Variants in ANKFN1 observed in about 807,000 individuals in gnomAD.
ANKFN1 encodes ankyrin repeat and fibronectin type-III domain-containing protein 1.
In ANKFN1, 74 loss-of-function variants were observed where a neutral mutation model predicts 108.7. The observed-to-expected ratio is 0.68, with a 90% CI of 0.56 to 0.83. The LOEUF (loss-of-function observed/expected upper bound fraction) is 0.83. Among genes scored for constraint, ANKFN1 ranks in the 40% least tolerant of loss-of-function variants. ANKFN1 has a pLI of 0.00. For missense variants in ANKFN1, 1,505 were observed against 1,382.3 expected (o/e 1.09, Z -1.41); for synonymous variants, 547 against 516.2 (o/e 1.06, Z -0.81).
intron 8 of ANKFN1, among the ~76,000 whole-genome samples, chr17:56,393,058 C>T (rs1362452113): frequency 6.6e-6 from 1 of 151,928 alleles, no homozygotes; most frequent in Non-Finnish European, 1.5e-5. Flanking sequence ...TAAAATATCC[C>T]CTGTTCCTTT....
rs745975928 is a variant in ANKFN1 at position 56,516,602 on chromosome 17, A to G, written c.*5333A>G. ...TTTTTTGTATGTACATTTGAAAACT[A>G]TTTGAACAATCTAAATGTGTACTGT... On this transcript the variant is annotated 3_prime_UTR_variant, in exon 21 of 21. Coordinates refer to ENST00000682825, the MANE Select transcript of ANKFN1 (RefSeq NM_001370326.1). 6.6e-5 allele frequency among the ~76,000 whole-genome samples: 10 copies of G among 152,316 alleles called. No homozygotes were observed. The highest frequency in any genetic ancestry group is 1.3e-4 in the Non-Finnish European group (9 of 68,024).
In ANKFN1 at chr17:56,431,202, G is replaced by A. The variant is rs1165283311; in HGVS notation, c.911-9125G>A. Among the ~76,000 whole-genome samples the A allele has an allele frequency of 2.0e-5, 3 of 152,186 alleles. No homozygotes were observed. In the South Asian group the frequency reaches 6.2e-4, roughly 32 times the overall value. ...TCCAGAAATGATAGGGGAGTTTTGG[G>A]TCGAAGCAGACCTAGCTTTAATTCC... On this transcript the variant is annotated intron_variant, in intron 8 of 20. Transcript: ENST00000682825.
chr17:56,168,263 A>G (rs1020082683), intron 1 of ANKFN1, among the ~76,000 whole-genome samples: 2 of 152,090 alleles, frequency 1.3e-5, no homozygotes, highest in South Asian at 4.1e-4. Flanking sequence ...TCACAAAAAA[A>G]AAAAAAAAAA....
At chr17:56,094,449 C>T (rs1905477430) in intron 4 of ANKFN1, among the ~76,000 whole-genome samples, 1 of 81,368 alleles carries the variant, frequency 1.2e-5, no homozygotes, top group Non-Finnish European at 2.4e-5. Flanking sequence ...TACTTAAATA[C>T]TGTCTCAGTT....
upstream of ANKFN1, chr17:56,153,396 C>CG: frequency 7.4e-7 from 1 of 1,351,534 alleles, no homozygotes; most frequent in Non-Finnish European, 1.1e-6. Context: ...TGCTCAGTCT[C>CG]CCTGGATAAA....
Position 56,417,507 on chromosome 17 carries a change from T to A in ANKFN1, c.911-22820T>A, listed in dbSNP as rs186687829. On this transcript the variant is annotated intron_variant, in intron 8 of 20. Coordinates refer to ENST00000682825, the MANE Select transcript of ANKFN1 (RefSeq NM_001370326.1). ...AGGGACTATATAGTCAGGCACTATA[T>A]GTGTGGTACAAGTCCCTGTCCCCTT... is the stretch of plus-strand genomic sequence containing the variant. 1.1e-4 allele frequency among the ~76,000 whole-genome samples: 16 copies of A among 152,338 alleles called. 1 individual carries two copies. The East Asian group carries it at 2.9e-3, about 28-fold the overall frequency.
At chr17:56,161,921 A>G (rs996839137) in intron 1 of ANKFN1, among the ~76,000 whole-genome samples, 2 of 152,262 alleles carry the variant, frequency 1.3e-5, no homozygotes, top group South Asian at 2.1e-4. Flanking sequence ...GCCAAAATGC[A>G]GGATGCAGGC....
In ANKFN1 at chr17:56,094,681, T is replaced by TTTG. The variant is rs1555593344; in HGVS notation, c.288+48358_288+48359insGTT. Among the ~76,000 whole-genome samples the TTTG allele has an allele frequency of 2.8e-5, 4 of 141,560 alleles. 1 individual carries two copies. The highest frequency in any genetic ancestry group is 1.0e-4 in the African/African-American group (4 of 38,814). The allele number at this position is 141,560 out of a possible 152,430, so 92.9% of individuals were successfully genotyped here. A position where few individuals can be genotyped will look rare whatever the true frequency, so the allele number is the denominator to read the frequency against. On this transcript the variant is annotated intron_variant, in intron 4 of 12. Transcript: ENST00000635860. ...ACCACGCCCAGCTAATTGGGTTTTT[T>TTTG]TTTTTTTTTTTTGTATTTTTAGTAG...
rs1356244439 is a variant in ANKFN1, at chr17:56,372,817, T to C, written c.773T>C (p.Met258Thr). The change falls in exon 7 of 21, where the codon ATG becomes ACG. Residue 258 changes from methionine (M) to threonine (T), a missense_variant. Transcript: ENST00000682825. ...WEWRYRLYRRMKTGFEHARAP... is the reference protein window; with the variant it reads ...WEWRYRLYRRTKTGFEHARAP... ...TGGAGGTATCGGCTCTACAGACGCA[T>C]GAAAACAGGCTTTGAGCATGCCAGT... 2 of 1,613,554 alleles carry C rather than the reference T, an allele frequency of 1.2e-6. No homozygotes were observed. The highest frequency in any genetic ancestry group is 2.2e-5 in the South Asian group (2 of 91,042).
chr17:56,084,220 G>A (rs1447692393), intron 4 of ANKFN1, among the ~76,000 whole-genome samples: 2 of 151,290 alleles, frequency 1.3e-5, no homozygotes, highest in African/African-American at 4.9e-5. Context: ...GGCACCAGAA[G>A]GCAAATGGCC....
intron 4 of ANKFN1, among the ~76,000 whole-genome samples, chr17:56,054,272 G>T (rs1904827062): frequency 6.6e-6 from 1 of 152,138 alleles, no homozygotes; most frequent in Non-Finnish European, 1.5e-5. Context: ...ACTTAAACAT[G>T]TGCATGAATT....
intron 1 of ANKFN1, among the ~76,000 whole-genome samples, chr17:56,159,057 CAGA>C (rs1284822430): frequency 9.3e-5 from 6 of 64,714 alleles, no homozygotes; most frequent in East Asian, 7.2e-4. Context: ...AAAAAAAAAG[CAGA>C]AGAAGAAGAA....
At chr17:56,144,185 A>AAAAAAAAAAAAAACTACT in intron 4 of ANKFN1, among the ~76,000 whole-genome samples, 1 of 99,232 alleles carries the variant, frequency 1.0e-5, no homozygotes, top group Non-Finnish European at 2.1e-5. Flanking sequence ...AAAAAAAAAA[A>AAAAAAAAAAAAAACTACT]CAGCCCAAAC....
At chr17:56,379,228 CTCTACTAAAAAATACAAAA>C (rs1271468023) in intron 8 of ANKFN1, among the ~76,000 whole-genome samples, 1 of 152,038 alleles carries the variant, frequency 6.6e-6, no homozygotes, top group African/African-American at 2.4e-5. Flanking sequence ...GAAACCCCGT[CTCTACTAAAAAATACAAAA>C]GATTGGCTGG....
At position 56,308,887 on chromosome 17, in the gene ANKFN1, T is replaced by C. The variant is rs146405211; in HGVS notation, c.54-17334T>C. 6.3e-3 allele frequency among the ~76,000 whole-genome samples: 959 copies of C among 152,358 alleles called. 9 individuals carry two copies. The highest frequency in any genetic ancestry group is 0.022 in the African/African-American group (919 of 41,586). On this transcript the variant is annotated intron_variant, in intron 3 of 20. Coordinates refer to ENST00000682825, the MANE Select transcript of ANKFN1 (RefSeq NM_001370326.1). ...AATTACATTGATTGGTGTCCAAATA[T>C]TGAATAAGCCTCGCATCCATTGAAT...
intron 3 of ANKFN1, among the ~76,000 whole-genome samples, chr17:56,298,821 C>G (rs927344092): frequency 1.3e-5 from 2 of 152,226 alleles, no homozygotes; most frequent in African/African-American, 4.8e-5. Flanking sequence ...TTTTTAACAA[C>G]TTGACCCTTC....
intron 3 of ANKFN1, among the ~76,000 whole-genome samples, chr17:56,233,681 G>A (rs535894957): frequency 1.5e-4 from 23 of 151,782 alleles, no homozygotes; most frequent in African/African-American, 5.6e-4. Flanking sequence ...GCCCTTCCAG[G>A]TGGCATGTGA....
chr17:56,475,484 A>C (rs1039889847), intron 15 of ANKFN1, among the ~76,000 whole-genome samples: 1 of 152,238 alleles, frequency 6.6e-6, no homozygotes, highest in Non-Finnish European at 1.5e-5. Context: ...TATGATGGTC[A>C]AGGAAGATCC....
chr17:56,511,361 A>T lies in ANKFN1; in HGVS notation c.*92A>T. The stretch of plus-strand genomic sequence containing the variant: ...ATCCTGCCCCACTGTGTACCCACTC[A>T]TTTTCAAGCGTTTTGAATGTTATAA... On this transcript the variant is annotated 3_prime_UTR_variant, in exon 21 of 21. Coordinates refer to ENST00000682825, the MANE Select transcript of ANKFN1 (RefSeq NM_001370326.1). 3 of 1,253,090 alleles carry T rather than the reference A, an allele frequency of 2.4e-6. No individual in the cohort carries two copies. The highest frequency in any genetic ancestry group is 3.2e-6 in the Non-Finnish European group (3 of 933,754). The allele number at this position is 1,253,090 out of a possible 1,614,324, so 77.6% of individuals were successfully genotyped here.
Sources: gnomAD v4.1 joint callset for allele counts (sites outside exome capture counted in the v4.1 genomes callset) on GRCh38, gnomAD v4.1.1 for gene constraint, MANE v1.5 for transcripts, NCBI Gene and HGNC (gene_info 2026-07-23, HGNC 2026-07-21) for gene names.